The following TMTC1 variants were observed in gnomAD, a reference collection of about 807,000 sequenced individuals.
The protein encoded by TMTC1 is transmembrane O-mannosyltransferase targeting cadherins 1, also known as protein O-mannosyl-transferase TMTC1.
In TMTC1, 73 loss-of-function variants were observed where a neutral mutation model predicts 104.8. That is an observed-to-expected ratio of 0.70 (90% confidence interval 0.58 to 0.85). The LOEUF is 0.85. Among genes scored for constraint, TMTC1 ranks in the 40% least tolerant of loss-of-function variants. TMTC1 has a pLI of 0.00. For synonymous variants in TMTC1, 434 were observed against 428.7 expected (o/e 1.01, Z -0.15); for missense variants, 1,035 against 1,096.1 (o/e 0.94, Z 0.79).
At chr12:29,782,995 G>C (rs1943869014) in intron 1 of TMTC1, 1 of 156,198 alleles carries the variant, frequency 6.4e-6, no homozygotes, top group African/African-American at 2.4e-5. Context: ...AAACCCTTAA[G>C]GGGCTGATAC....
chr12:29,632,555 C>G (rs991212432), intron 6 of TMTC1, among the ~76,000 whole-genome samples: 1 of 152,156 alleles, frequency 6.6e-6, no homozygotes, highest in African/African-American at 2.4e-5. Context: ...TTTGCTTCCC[C>G]TTCTGCCCTG....
intron 7 of TMTC1, among the ~76,000 whole-genome samples, chr12:29,588,093 A>G (rs1354295354): frequency 1.3e-5 from 2 of 152,106 alleles, no homozygotes; most frequent in East Asian, 1.9e-4. Flanking sequence ...TTTAGGGTTC[A>G]TGGTTTGGCC....
In TMTC1 at chr12:29,661,034, G is replaced by A. The variant is rs549950305; in HGVS notation, c.939-27698C>T. On this transcript the variant is annotated intron_variant, in intron 5 of 17. Coordinates refer to ENST00000539277, the MANE Select transcript of TMTC1 (RefSeq NM_001193451.2). Reference sequence around the variant, plus strand: ...CTGGAGCCAGAACACCTGGGTTTCCGTTCCCAGTTCTGCTGCTGCTGAGAG... The same window carrying A: ...CTGGAGCCAGAACACCTGGGTTTCCATTCCCAGTTCTGCTGCTGCTGAGAG... 5.1e-5 allele frequency: 19 copies of A among 372,298 alleles called. No homozygotes were observed. In the South Asian group the frequency reaches 1.6e-3, roughly 32 times the overall value. 23.1% of individuals were successfully genotyped at this position (372,298 alleles called of 1,614,324 possible).
Position 29,574,279 on chromosome 12 carries a change from A to T in TMTC1, c.1419-2061T>A, listed in dbSNP as rs146047855. On this transcript the variant is annotated intron_variant, in intron 8 of 17. Transcript: ENST00000539277. ...ATTGTCTACCAAAATAAATCATTACAAAAAGGATCACTATAGACTGGCCTC... is the reference window on the plus strand; with the variant it reads ...ATTGTCTACCAAAATAAATCATTACTAAAAGGATCACTATAGACTGGCCTC... Among the ~76,000 whole-genome samples the T allele has an allele frequency of 8.0e-3, 1,217 of 152,274 alleles. 6 individuals are homozygous for T. Among genetic ancestry groups the T allele is most frequent in the Non-Finnish European group, 0.011 (764 of 68,022 alleles).
At chr12:29,682,266 G>A (rs1035625800) in intron 5 of TMTC1, among the ~76,000 whole-genome samples, 8 of 152,180 alleles carry the variant, frequency 5.3e-5, no homozygotes, top group African/African-American at 1.9e-4. Context: ...TACTGGGGAA[G>A]TCCAGAGAAA....
At chr12:29,545,960 C>T (rs146314109) in intron 10 of TMTC1, among the ~76,000 whole-genome samples, 10 of 152,254 alleles carry the variant, frequency 6.6e-5, no homozygotes, top group African/African-American at 1.4e-4. Flanking sequence ...ACTTTATACA[C>T]GAGCAGTTGG....
Position 29,756,026 on chromosome 12 carries a change from C to G in TMTC1, c.555-141G>C, listed in dbSNP as rs147725629. Reference sequence around the variant, plus strand: ...AGGTAAGTAGAGATTTCTTAAAGAGCCTTCATCCCCACAATACTGAATTTT... The same window carrying G: ...AGGTAAGTAGAGATTTCTTAAAGAGGCTTCATCCCCACAATACTGAATTTT... On this transcript the variant is annotated intron_variant, in intron 3 of 17. Transcript: ENST00000539277. 439 of 827,772 alleles carry G rather than the reference C, an allele frequency of 5.3e-4. 5 individuals carry two copies. The East Asian group carries it at 0.01, about 19-fold the overall frequency. The allele number at this position is 827,772 out of a possible 1,614,324, so 51.3% of individuals were successfully genotyped here.
Position 29,502,630 on chromosome 12 carries a change from T to A in TMTC1, c.*4216A>T, listed in dbSNP as rs1036987149. 1.3e-5 allele frequency: 2 copies of A among 152,252 alleles called. No homozygotes were observed. The allele number at this position is 152,252 out of a possible 1,614,324, so 9.4% of individuals were successfully genotyped here. On this transcript the variant is annotated 3_prime_UTR_variant, in exon 18 of 18. Coordinates refer to ENST00000539277, the MANE Select transcript of TMTC1 (RefSeq NM_001193451.2). ...CCACATAACCACCTATTTGTAATCA[T>A]GGAATGATAGCCTCAACCAACCAAT...
intron 7 of TMTC1, among the ~76,000 whole-genome samples, chr12:29,591,146 A>G (rs561967304): frequency 5.9e-5 from 9 of 152,368 alleles, no homozygotes; most frequent in African/African-American, 2.2e-4. Flanking sequence ...TTTCTTAGAG[A>G]GTATCACATT....
At chr12:29,633,019 C>CA (rs1938374880) in intron 6 of TMTC1, 128 bp downstream of exon 6, 3 of 826,358 alleles carry the variant, frequency 3.6e-6, no homozygotes, top group Non-Finnish European at 5.4e-6. Context: ...TTACCCGCTA[C>CA]AAAAAATTTA....
chr12:29,529,529 A>G (rs1371769598), intron 11 of TMTC1, among the ~76,000 whole-genome samples: 2 of 152,218 alleles, frequency 1.3e-5, no homozygotes, highest in Non-Finnish European at 2.9e-5. Flanking sequence ...TAGTAATTAC[A>G]AAAGTAATAT....
At chr12:29,668,709 C>T (rs1940388734) in intron 5 of TMTC1, among the ~76,000 whole-genome samples, 1 of 152,126 alleles carries the variant, frequency 6.6e-6, no homozygotes, top group East Asian at 1.9e-4. Flanking sequence ...GATCCACCCA[C>T]CTTGGCCTCC....
intron 6 of TMTC1, among the ~76,000 whole-genome samples, chr12:29,628,643 G>A (rs558841256): frequency 6.6e-6 from 1 of 152,148 alleles, no homozygotes; most frequent in Non-Finnish European, 1.5e-5. Context: ...ACCCTTTATT[G>A]TAACCCAAGC....
Position 29,710,032 on chromosome 12 carries a change from A to G in TMTC1, c.938+41634T>C, listed in dbSNP as rs555348288. 5.3e-5 allele frequency among the ~76,000 whole-genome samples: 8 copies of G among 152,302 alleles called. No homozygotes were observed. In the South Asian group the frequency reaches 1.7e-3, roughly 32 times the overall value. The stretch of plus-strand genomic sequence containing the variant: ...AAAAGTGAAATGACCAGCCAAAGTT[A>G]GGTTGTTCTGATACTGCTATACCCT... On this transcript the variant is annotated intron_variant, in intron 5 of 17. Coordinates refer to ENST00000539277, the MANE Select transcript of TMTC1 (RefSeq NM_001193451.2).
At chr12:29,633,067 C>A in intron 6 of TMTC1, 80 bp downstream of exon 6, 2 of 1,317,128 alleles carry the variant, frequency 1.5e-6, no homozygotes, top group Non-Finnish European at 1.0e-6. Flanking sequence ...ACACCCAGAC[C>A]ATCCGCACTA....
intron 15 of TMTC1, among the ~76,000 whole-genome samples, chr12:29,515,874 T>A (rs1943971056): frequency 6.6e-6 from 1 of 151,992 alleles, no homozygotes; most frequent in African/African-American, 2.4e-5. Flanking sequence ...ATGTGACTTT[T>A]AAAATGGAGA....
intron 5 of TMTC1, 87 bp downstream of exon 5, chr12:29,751,579 G>T: frequency 5.0e-6 from 7 of 1,404,576 alleles, no homozygotes; most frequent in Non-Finnish European, 7.1e-6. Context: ...TGCTGACTCA[G>T]TGCTTCACTT....
At chr12:29,665,733 G>C (rs189206875) in intron 5 of TMTC1, among the ~76,000 whole-genome samples, 1 of 152,078 alleles carries the variant, frequency 6.6e-6, no homozygotes, top group Admixed American at 6.6e-5. Context: ...CAGTCTTAGC[G>C]AGAATCCCGC....
At chr12:29,769,480 G>C (rs546919190) in intron 1 of TMTC1, among the ~76,000 whole-genome samples, 27 of 152,318 alleles carry the variant, frequency 1.8e-4, no homozygotes, top group African/African-American at 5.8e-4. Flanking sequence ...AGAACTCATA[G>C]GTCCAACAAA....
Sources: allele counts gnomAD v4.1 joint callset (sites outside exome capture counted in the v4.1 genomes callset), GRCh38; gene constraint gnomAD v4.1.1; transcripts MANE v1.5; gene names NCBI Gene and HGNC (gene_info 2026-07-23, HGNC 2026-07-21).